The following TGDS variants were observed in gnomAD, a reference collection of about 807,000 sequenced individuals.
TGDS encodes TDP-glucose 4,6-dehydratase.
Under a neutral mutation model 52.3 loss-of-function variants are expected in TGDS, and 47 were observed. The observed-to-expected ratio is 0.90, with a 90% CI of 0.71 to 1.15. The LOEUF (loss-of-function observed/expected upper bound fraction) is 1.15. TGDS is among the 50% of genes most tolerant of loss of function. TGDS has a pLI of 0.00. For synonymous variants in TGDS, 115 were observed against 136.9 expected, an observed-to-expected ratio of 0.84 and a Z score of 1.12; for missense variants, 375 against 418.4, an observed-to-expected ratio of 0.90 and a Z score of 0.90.
chr13:94,579,257 C>T (rs1307135043), intron 7 of TGDS: 1 of 152,598 alleles, frequency 6.6e-6, no homozygotes, highest in African/African-American at 2.4e-5. Flanking sequence ...ATCAATGCAA[C>T]CAGCTGGGAA....
At chr13:94,594,206 C>T (rs1226065457) in intron 1 of TGDS, among the ~76,000 whole-genome samples, 1 of 152,130 alleles carries the variant, frequency 6.6e-6, no homozygotes, top group Admixed American at 6.5e-5. Context: ...CATACAGGTA[C>T]AAGTATCGAG....
chr13:94,596,210 T>C (rs1889379197), upstream of TGDS: 7 of 1,496,028 alleles, frequency 4.7e-6, no homozygotes, highest in East Asian at 2.4e-5. Context: ...CCGCGACCTT[T>C]TGCGACGCGC....
chr13:94,588,932 T>G (rs1358949018), intron 4 of TGDS, among the ~76,000 whole-genome samples: 1 of 152,194 alleles, frequency 6.6e-6, no homozygotes, highest in Non-Finnish European at 1.5e-5. Context: ...ACAATTGGTA[T>G]TCACATGGAA....
At position 94,576,328 on chromosome 13, in the gene TGDS, C is replaced by T. The variant is rs1435981482; in HGVS notation, c.968G>A (p.Gly323Glu). Reference protein sequence around the residue: ...GWRPKVPWKEGIKKTIEWYRE... With the variant: ...GWRPKVPWKEEIKKTIEWYRE... ...TCAAAACATACTTGTTTTCTTTATT[C>T]CTTCTTTCCAAGGCACTTTAGGTCT... The change falls in exon 11 of 12, where the codon GGA becomes GAA. Residue 323 changes from glycine to glutamate, a missense_variant. Gly to Glu is a moderately conservative substitution (Grantham distance 98, BLOSUM62 -2). Coordinates refer to ENST00000261296, the MANE Select transcript of TGDS (RefSeq NM_014305.4). The T allele has an allele frequency of 1.3e-6, 2 of 1,597,390 alleles. No homozygotes were observed. The highest frequency in any genetic ancestry group is 8.5e-7 in the Non-Finnish European group (1 of 1,172,946).
chr13:94,576,838 C>T (rs976883803), intron 10 of TGDS, among the ~76,000 whole-genome samples: 2 of 152,178 alleles, frequency 1.3e-5, no homozygotes, highest in African/African-American at 4.8e-5. Flanking sequence ...CAAGGTGGCT[C>T]ATGCCTGTAA....
intron 2 of TGDS, among the ~76,000 whole-genome samples, chr13:94,593,365 A>AT (rs1231752804): frequency 6.6e-6 from 1 of 152,232 alleles, no homozygotes; most frequent in Non-Finnish European, 1.5e-5. Flanking sequence ...GCAAAGCTTC[A>AT]TAAGAGTTAA....
chr13:94,585,086 G>C (rs1214192900), intron 4 of TGDS, among the ~76,000 whole-genome samples: 1 of 150,656 alleles, frequency 6.6e-6, no homozygotes, highest in Non-Finnish European at 1.5e-5. Flanking sequence ...CTCTCTCTCT[G>C]TTGCCCAGGC....
At chr13:94,579,989 G>C in intron 6 of TGDS, 36 bp from the exon 7 acceptor site, 1 of 1,341,564 alleles carries the variant, frequency 7.5e-7, no homozygotes, top group Non-Finnish European at 1.0e-6. Context: ...CTTTTAAAAA[G>C]GTCTAATAAT....
intron 4 of TGDS, 132 bp from the exon 5 acceptor site, chr13:94,583,368 T>C (rs1338148101): frequency 5.9e-6 from 5 of 849,494 alleles, no homozygotes; most frequent in South Asian, 2.6e-5. Flanking sequence ...GTTATAATAA[T>C]AACATACACA....
intron 4 of TGDS, among the ~76,000 whole-genome samples, chr13:94,589,226 T>C (rs2139538164): frequency 6.6e-6 from 1 of 152,142 alleles, no homozygotes; most frequent in South Asian, 2.1e-4. Flanking sequence ...GTCCTGAATA[T>C]ATAAAAACTC....
chr13:94,590,993 C>A (rs45611435), intron 3 of TGDS, 50 bp from the exon 4 acceptor site: 102 of 1,301,370 alleles, frequency 7.8e-5, no homozygotes, highest in Non-Finnish European at 1.0e-4. Flanking sequence ...ACAGCACTCT[C>A]ATTCATAACC....
chr13:94,577,539 A>T (rs2139514520), intron 9 of TGDS, 110 bp from the exon 10 acceptor site: 2 of 799,800 alleles, frequency 2.5e-6, no homozygotes, highest in East Asian at 5.7e-5. Context: ...AGCAGGGAAG[A>T]CAGCTAAAAT....
In TGDS at chr13:94,576,332, C is replaced by A; in HGVS notation, c.964G>T (p.Glu322Ter). 6.3e-7 allele frequency: 1 copy of A among 1,599,176 alleles called. No individual in the cohort carries two copies. The highest frequency in any genetic ancestry group is 8.5e-7 in the Non-Finnish European group (1 of 1,173,654). ...LGWRPKVPWK[E>*]GIKKTIEWYR... Reference sequence around the variant, plus strand: ...AACATACTTGTTTTCTTTATTCCTTCTTTCCAAGGCACTTTAGGTCTCCAT... The same window carrying A: ...AACATACTTGTTTTCTTTATTCCTTATTTCCAAGGCACTTTAGGTCTCCAT... The change falls in exon 11 of 12, where the codon GAA becomes TAA. Residue 322 changes from glutamate (E) to a stop codon, truncating the protein, a stop_gained. Transcript: ENST00000261296. LOFTEE classifies it high-confidence loss of function.
At position 94,583,198 on chromosome 13, in the gene TGDS, T is replaced by C. The variant is rs559787839; in HGVS notation, c.352A>G (p.Asn118Asp). The C allele has an allele frequency of 1.2e-6, 2 of 1,613,862 alleles. No individual in the cohort carries two copies. Among genetic ancestry groups the C allele is most frequent in the African/African-American group, 2.7e-5 (2 of 75,032 alleles). Residue 118 changes from asparagine to aspartate, a missense_variant, in exon 5 of 12, where the codon AAT (asparagine) becomes GAT (aspartate). Physicochemically the swap from Asn to Asp is conservative, Grantham distance 23 (BLOSUM62 1). Coordinates refer to ENST00000261296, the MANE Select transcript of TGDS (RefSeq NM_014305.4). Reference protein sequence around the residue: ...FVRAFEFTYVNVYGTHVLVSA... With the variant: ...FVRAFEFTYVDVYGTHVLVSA... ...ACCAAAACGTGAGTGCCATAAACAT[T>C]AACATAGGTAAACTCAAAGGCACGT...
chr13:94,593,079 A>G (rs1467751826), intron 2 of TGDS, among the ~76,000 whole-genome samples: 8 of 152,136 alleles, frequency 5.3e-5, no homozygotes, highest in African/African-American at 1.9e-4. Flanking sequence ...GCTTGAACCC[A>G]GGAGGTGGAG....
chr13:94,580,577 A>G (rs993187026), intron 6 of TGDS, among the ~76,000 whole-genome samples: 1 of 152,238 alleles, frequency 6.6e-6, no homozygotes, highest in Non-Finnish European at 1.5e-5. Context: ...TCATGCAGAC[A>G]GAAGCACATG....
Position 94,575,285 on chromosome 13 carries a change from CTT to C in TGDS, c.983-435_983-434del, listed in dbSNP as rs66717082. 5.5e-3 allele frequency among the ~76,000 whole-genome samples: 621 copies of C among 113,150 alleles called. 5 individuals are homozygous for C. Among genetic ancestry groups the C allele is most frequent in the African/African-American group, 0.019 (572 of 30,350 alleles). The allele number at this position is 113,150 out of a possible 152,430, so 74.2% of individuals were successfully genotyped here. ...CAATGAGTTGATGTGAACTTCCTTG[CTT>C]TTTTTTTTTTTTTTTTTTTAAAGAG... On this transcript the variant is annotated intron_variant, in intron 11 of 11. Transcript: ENST00000261296.
In TGDS at chr13:94,574,676, T is replaced by C. The variant is rs900692220; in HGVS notation, c.*106A>G. Reference sequence around the variant, plus strand: ...TTTATACAGAAAGTCATGAATCTAATTCCAAAAGAAAAGAGTGCACTTCAT... The same window carrying C: ...TTTATACAGAAAGTCATGAATCTAACTCCAAAAGAAAAGAGTGCACTTCAT... On this transcript the variant is annotated 3_prime_UTR_variant, in exon 12 of 12. Coordinates refer to ENST00000261296, the MANE Select transcript of TGDS (RefSeq NM_014305.4). 5 of 630,786 alleles carry C rather than the reference T, an allele frequency of 7.9e-6. No homozygotes were observed. In the African/African-American group the frequency reaches 9.3e-5, roughly 12 times the overall value. The allele number at this position is 630,786 out of a possible 1,614,324, so 39.1% of individuals were successfully genotyped here.
intron 1 of TGDS, 74 bp from the exon 2 acceptor site, chr13:94,593,981 T>C (rs1163927613): frequency 7.7e-6 from 7 of 909,948 alleles, no homozygotes; most frequent in South Asian, 1.7e-5. Context: ...TCCTAAGGTG[T>C]TGAGTACTAG....
Sources: allele counts gnomAD v4.1 joint callset (sites outside exome capture counted in the v4.1 genomes callset), GRCh38; gene constraint gnomAD v4.1.1; transcripts MANE v1.5; gene names NCBI Gene and HGNC (gene_info 2026-07-23, HGNC 2026-07-21).